SMARCA2: variants seen among roughly 807,000 people sequenced by gnomAD.
The protein encoded by SMARCA2 is SWI/SNF-related matrix-associated actin-dependent regulator of chromatin subfamily A member 2.
Under a neutral mutation model 199.8 loss-of-function variants are expected in SMARCA2, and 61 were observed. The observed-to-expected ratio is 0.31, with a 90% confidence interval of 0.25 to 0.38. SMARCA2 has a LOEUF of 0.38. Among genes scored for constraint, SMARCA2 ranks in the 10% least tolerant of loss-of-function variants. The pLI is 1.00. For synonymous variants in SMARCA2, 935 were observed against 732.0 expected, an observed-to-expected ratio of 1.28 and a Z score of -4.48; for missense variants, 1,344 against 2,012.2, an observed-to-expected ratio of 0.67 and a Z score of 6.35.
rs369011613 is a variant in SMARCA2, at chr9:2,130,615, T to G, written c.3981+6678T>G. On this transcript the variant is annotated intron_variant, in intron 27 of 33. Transcript: ENST00000349721. ...TCCATCCATTACAGTTTTGTAACTT[T>G]CCTATGGTGTGTGCCCAAGGTGATA... 1.2e-4 allele frequency among the ~76,000 whole-genome samples: 19 copies of G among 152,324 alleles called. No homozygotes were observed. In the East Asian group the frequency reaches 1.7e-3, roughly 14 times the overall value.
intron 27 of SMARCA2, among the ~76,000 whole-genome samples, chr9:2,145,254 G>C (rs1035614872): frequency 1.4e-5 from 2 of 146,460 alleles, no homozygotes; most frequent in Non-Finnish European, 1.5e-5. Context: ...AGTGAGCCGA[G>C]ACTGCAACAC....
chr9:2,016,933 G>A lies in SMARCA2; in HGVS notation c.-37+1529G>A, dbSNP rs955793111. Among the ~76,000 whole-genome samples the A allele has an allele frequency of 6.6e-6, 1 of 151,702 alleles. No homozygotes were observed. The highest frequency in any genetic ancestry group is 2.4e-5 in the African/African-American group (1 of 41,318). ...AACCGGTCCGGCGCGCCAGCCCCTCGGCGCCCTCCGGCCGCAGGGCGCACA... is the reference window on the plus strand; with the variant it reads ...AACCGGTCCGGCGCGCCAGCCCCTCAGCGCCCTCCGGCCGCAGGGCGCACA... On this transcript the variant is annotated intron_variant, in intron 1 of 33. Transcript: ENST00000349721. The surrounding 1 kb of genome is among the most constrained non-coding windows in gnomAD (Gnocchi z 5.6).
chr9:2,174,143 C>G (rs560088488), intron 29 of SMARCA2, among the ~76,000 whole-genome samples: 126 of 152,234 alleles, frequency 8.3e-4, no homozygotes, highest in Non-Finnish European at 1.7e-3. Context: ...CCAGCATTAG[C>G]CTGGCCCTGA....
chr9:2,183,838 G>A (rs1827231714), intron 31 of SMARCA2, among the ~76,000 whole-genome samples: 1 of 152,152 alleles, frequency 6.6e-6, no homozygotes, highest in Non-Finnish European at 1.5e-5. Flanking sequence ...ATGACAGACA[G>A]TTTGTTTTAG....
chr9:2,136,330 G>A (rs1824195981), intron 27 of SMARCA2, among the ~76,000 whole-genome samples: 1 of 151,938 alleles, frequency 6.6e-6, no homozygotes, highest in Admixed American at 6.6e-5. Context: ...TGGGATTACA[G>A]GCACGTGCCA....
chr9:2,179,056 G>C (rs1230335581), intron 29 of SMARCA2, among the ~76,000 whole-genome samples: 2 of 152,184 alleles, frequency 1.3e-5, no homozygotes, highest in African/African-American at 4.8e-5. Flanking sequence ...GGTCCTGGAG[G>C]GATAAGGAAA....
In SMARCA2 at chr9:2,123,734, C is replaced by T. The variant is rs1271638619; in HGVS notation, c.3778C>T (p.Arg1260Trp). ...FDLFMRMDMD[R>W]RREDARNPKR... ...ATGTCTCCAGCGGATGGACATGGACCGGCGGAGGGAAGATGCCCGGAACCC... is the reference window on the plus strand; with the variant it reads ...ATGTCTCCAGCGGATGGACATGGACTGGCGGAGGGAAGATGCCCGGAACCC... The change falls in exon 27 of 34, where the codon CGG (arginine) becomes TGG (tryptophan). Residue 1260 changes from arginine to tryptophan, a missense_variant. Transcript: ENST00000349721. The surrounding 1 kb of genome is among the most constrained non-coding windows in gnomAD (Gnocchi z 4.1). The T allele has an allele frequency of 6.2e-7, 1 of 1,613,986 alleles. No individual in the cohort carries two copies.
At chr9:2,052,463 G>A (rs933447244) in intron 5 of SMARCA2, among the ~76,000 whole-genome samples, 1 of 152,128 alleles carries the variant, frequency 6.6e-6, no homozygotes, top group Non-Finnish European at 1.5e-5. Flanking sequence ...CCGACAGAGC[G>A]AGACTCCATC....
intron 19 of SMARCA2, among the ~76,000 whole-genome samples, chr9:2,094,912 G>A (rs1236247749): frequency 1.3e-5 from 2 of 152,072 alleles, no homozygotes; most frequent in Non-Finnish European, 2.9e-5. Flanking sequence ...ATGTCACTGT[G>A]AGTTAACAGC....
In SMARCA2 at chr9:2,191,279, G is replaced by C. The variant is rs549166022; in HGVS notation, c.4608G>C (p.Lys1536Asn). The C allele has an allele frequency of 6.2e-7, 1 of 1,614,022 alleles. No individual in the cohort carries two copies. Among genetic ancestry groups the C allele is most frequent in the African/African-American group, 1.3e-5 (1 of 75,024 alleles). ...CTTTGGTTTTAGCAAAATCAGTCAA[G>C]GTGAAAATTAAGCTCAATAAAAAAG... ...EESESEAKSV[K>N]VKIKLNKKDD... Residue 1536 changes from lysine to asparagine, a missense_variant, in exon 33 of 34, where the codon AAG becomes AAC. Coordinates refer to ENST00000349721, the MANE Select transcript of SMARCA2 (RefSeq NM_003070.5).
chr9:2,101,801 G>C (rs1259284790), intron 22 of SMARCA2, among the ~76,000 whole-genome samples, 185 bp downstream of exon 22: 1 of 152,148 alleles, frequency 6.6e-6, no homozygotes, highest in Non-Finnish European at 1.5e-5. Context: ...ATTATTACTT[G>C]CCTTAAGCAA....
chr9:2,127,050 C>G (rs1267421841), intron 27 of SMARCA2, among the ~76,000 whole-genome samples: 3 of 152,192 alleles, frequency 2.0e-5, no homozygotes, highest in Non-Finnish European at 4.4e-5. Flanking sequence ...ACTTTTCTAC[C>G]TTCCTCTTTC....
At chr9:2,160,211 C>CTTT (rs147266408) in intron 27 of SMARCA2, 3 of 272,082 alleles carry the variant, frequency 1.1e-5, no homozygotes, top group East Asian at 6.8e-5. Flanking sequence ...TAATGTGAAG[C>CTTT]TTTTTTTTTT....
intron 23 of SMARCA2, among the ~76,000 whole-genome samples, chr9:2,109,385 C>T (rs1822891639): frequency 6.6e-6 from 1 of 151,744 alleles, no homozygotes; most frequent in Non-Finnish European, 1.5e-5. Flanking sequence ...TGGGTAAATA[C>T]ATTACACATA....
At position 2,054,738 on chromosome 9, in the gene SMARCA2, C is replaced by A; in HGVS notation, c.1173+15C>A. 1 of 1,613,440 alleles carries A rather than the reference C, an allele frequency of 6.2e-7. No homozygotes were observed. The highest frequency in any genetic ancestry group is 8.5e-7 in the Non-Finnish European group (1 of 1,179,532). On this transcript the variant is annotated intron_variant, in intron 6 of 33. Transcript: ENST00000349721. ...TCCAGCGTCAGGTAATACATTTTCC[C>A]CAGTGAATCTGAGATGTAGGAAATA...
At chr9:2,145,671 T>C (rs1448254031) in intron 27 of SMARCA2, among the ~76,000 whole-genome samples, 2 of 152,214 alleles carry the variant, frequency 1.3e-5, no homozygotes, top group Non-Finnish European at 2.9e-5. Flanking sequence ...GGACTTAGTG[T>C]TCCATAAATG....
chr9:2,168,908 C>T (rs1826080698), intron 28 of SMARCA2, among the ~76,000 whole-genome samples: 1 of 152,164 alleles, frequency 6.6e-6, no homozygotes, highest in Admixed American at 6.6e-5. Flanking sequence ...CCATACCTAG[C>T]TTCTCTGAGT....
rs1820340229 is a variant in SMARCA2, at chr9:2,056,058, A to G, written c.1174-614A>G. ...TACCCCCTACCACCACATAACATGCAATACAGATAAAAGTATTACATTTGT... is the reference window on the plus strand; with the variant it reads ...TACCCCCTACCACCACATAACATGCGATACAGATAAAAGTATTACATTTGT... On this transcript the variant is annotated intron_variant, in intron 6 of 33. Coordinates refer to ENST00000349721, the MANE Select transcript of SMARCA2 (RefSeq NM_003070.5). This position sits in a 1 kb window ranked among gnomAD's most constrained non-coding sequence, Gnocchi z 4.0. 6.6e-6 allele frequency among the ~76,000 whole-genome samples: 1 copy of G among 152,238 alleles called. No homozygotes were observed. The highest frequency in any genetic ancestry group is 2.4e-5 in the African/African-American group (1 of 41,474).
At chr9:2,031,072 A>C (rs1819046893) in intron 2 of SMARCA2, among the ~76,000 whole-genome samples, 1 of 152,060 alleles carries the variant, frequency 6.6e-6, no homozygotes, top group Non-Finnish European at 1.5e-5. Context: ...GTAAGCACAG[A>C]TATGTATATA....
Sources: gnomAD v4.1 joint callset for allele counts (sites outside exome capture counted in the v4.1 genomes callset) on GRCh38, gnomAD v4.1.1 for gene constraint, Gnocchi (gnomAD v3.1) non-coding constraint, MANE v1.5 for transcripts, NCBI Gene and HGNC (gene_info 2026-07-23, HGNC 2026-07-21) for gene names.